Variants in TANC2 observed in about 807,000 individuals in gnomAD.
TANC2 encodes the protein protein TANC2.
In TANC2, 26 loss-of-function variants were observed where a neutral mutation model predicts 210.5. The observed-to-expected ratio is 0.12, with a 90% CI of 0.09 to 0.17. TANC2 has a LOEUF of 0.17. Among genes scored for constraint, TANC2 ranks in the 10% least tolerant of loss-of-function variants. TANC2 has a pLI of 1.00. For missense variants in TANC2, 2,129 were observed against 2,608.9 expected (o/e 0.82, Z 4.01); for synonymous variants, 931 against 967.1 (o/e 0.96, Z 0.69).
At chr17:63,090,893 T>C (rs372021928) in intron 3 of TANC2, among the ~76,000 whole-genome samples, 1 of 152,280 alleles carries the variant, frequency 6.6e-6, no homozygotes, top group Non-Finnish European at 1.5e-5. Context: ...TTTTAATGAT[T>C]GCCATTCTAA....
At chr17:63,353,817 T>C (rs943956427) in intron 13 of TANC2, among the ~76,000 whole-genome samples, 4 of 152,108 alleles carry the variant, frequency 2.6e-5, no homozygotes, top group African/African-American at 9.7e-5. Flanking sequence ...GTGTCAAATA[T>C]TGCCGAGAGG....
intron 2 of TANC2, among the ~76,000 whole-genome samples, chr17:63,033,821 G>A (rs2034867870): frequency 2.6e-5 from 4 of 152,116 alleles, no homozygotes; most frequent in Admixed American, 2.6e-4. Flanking sequence ...AGAAGGCAGA[G>A]GAAGAGAGAG....
At chr17:63,190,889 A>G (rs1272730995) in intron 5 of TANC2, among the ~76,000 whole-genome samples, 2 of 152,300 alleles carry the variant, frequency 1.3e-5, no homozygotes, top group East Asian at 1.9e-4. Flanking sequence ...TAAGAACCCA[A>G]TAACCCTGAT....
At chr17:63,311,071 C>T (rs2045108807) in intron 9 of TANC2, among the ~76,000 whole-genome samples, 1 of 152,182 alleles carries the variant, frequency 6.6e-6, no homozygotes, top group African/African-American at 2.4e-5. Flanking sequence ...AACTTAATCT[C>T]TTTTTGCCTC....
At chr17:63,103,326 A>G (rs1211707653) in intron 4 of TANC2, among the ~76,000 whole-genome samples, 1 of 152,152 alleles carries the variant, frequency 6.6e-6, no homozygotes, top group Non-Finnish European at 1.5e-5. Context: ...AAATAGTTTG[A>G]CTCATTTTCA....
In TANC2 at chr17:63,318,984, T is replaced by C. The variant is rs1365191835; in HGVS notation, c.1469T>C (p.Leu490Pro). 1.2e-6 allele frequency: 2 copies of C among 1,613,176 alleles called. No homozygotes were observed. Among genetic ancestry groups the C allele is most frequent in the South Asian group, 2.2e-5 (2 of 91,042 alleles). The change falls in exon 11 of 28, where the codon CTC becomes CCC. Residue 490 changes from leucine (L) to proline (P), a missense_variant. Coordinates refer to ENST00000689528, the Ensembl canonical transcript of TANC2. Reference sequence around the variant, plus strand: ...GTGGATGCCAACAGAGAGCTGCCACTCACACAGCCACCTTCAGCCCACTCA... The same window carrying C: ...GTGGATGCCAACAGAGAGCTGCCACCCACACAGCCACCTTCAGCCCACTCA...
At chr17:63,219,967 C>T (rs1423142976) in intron 7 of TANC2, among the ~76,000 whole-genome samples, 1 of 152,054 alleles carries the variant, frequency 6.6e-6, no homozygotes, top group Non-Finnish European at 1.5e-5. Flanking sequence ...CAGTGTGTTA[C>T]TGCTGTAAAG....
intron 3 of TANC2, chr17:63,089,335 C>T (rs890482727): frequency 5.9e-5 from 9 of 152,092 alleles, no homozygotes; most frequent in African/African-American, 2.2e-4. Context: ...GATATACAAA[C>T]GAGAGAAAGT....
rs150981230 is a variant in TANC2 at position 63,128,662 on chromosome 17, C to A, written c.323-22608C>A. ...CTCATTTGCAACATTTTAGAAAAAC[C>A]AATCCGCTACTAGTCCCTGTCGGTG... On this transcript the variant is annotated intron_variant, in intron 4 of 27. Coordinates refer to ENST00000689528, the Ensembl canonical transcript of TANC2. 2.9e-3 allele frequency among the ~76,000 whole-genome samples: 440 copies of A among 152,260 alleles called. 5 individuals carry two copies. The highest frequency in any genetic ancestry group is 0.01 in the African/African-American group (432 of 41,548).
At chr17:63,180,905 T>G (rs1301528987) in intron 5 of TANC2, among the ~76,000 whole-genome samples, 1 of 150,936 alleles carries the variant, frequency 6.6e-6, no homozygotes, top group Non-Finnish European at 1.5e-5. Flanking sequence ...GTGCATGTAG[T>G]CCCAGCTACT....
At chr17:63,354,649 T>C in intron 13 of TANC2, 134 bp from the exon 14 acceptor site, 1 of 1,139,000 alleles carries the variant, frequency 8.8e-7, no homozygotes, top group Non-Finnish European at 1.2e-6. Flanking sequence ...ACTTTTTGGA[T>C]ACTAATACTT....
chr17:63,409,618 T>C (rs2048626357), intron 21 of TANC2, among the ~76,000 whole-genome samples: 2 of 152,328 alleles, frequency 1.3e-5, no homozygotes, highest in East Asian at 1.9e-4. Flanking sequence ...GTAAACATCA[T>C]AGAGTGCACT....
chr17:63,251,631 T>TGGGG (rs1259613523), intron 8 of TANC2, among the ~76,000 whole-genome samples: 1 of 152,192 alleles, frequency 6.6e-6, no homozygotes, highest in Admixed American at 6.5e-5. Context: ...CATAATTTTA[T>TGGGG]TGTAGTCCCA....
At chr17:63,247,717 C>T (rs2042955741) in intron 8 of TANC2, among the ~76,000 whole-genome samples, 1 of 152,092 alleles carries the variant, frequency 6.6e-6, no homozygotes, top group Admixed American at 6.5e-5. Context: ...CATCAGAGAT[C>T]AGATAGCTCT....
intron 25 of TANC2, among the ~76,000 whole-genome samples, chr17:63,415,202 A>G (rs2048820825): frequency 6.6e-6 from 1 of 152,214 alleles, no homozygotes; most frequent in South Asian, 2.1e-4. Flanking sequence ...ATAGAGAGCA[A>G]AGGAACTTTG....
At chr17:62,978,333 T>C (rs559072052) in intron 1 of TANC2, among the ~76,000 whole-genome samples, 63 of 152,328 alleles carry the variant, frequency 4.1e-4, no homozygotes, top group African/African-American at 1.4e-3. Context: ...TTTCTCTTTT[T>C]TTGGGGAGAG....
chr17:63,379,622 T>C (rs1214428050), intron 14 of TANC2, 96 bp from the exon 15 acceptor site: 2 of 902,352 alleles, frequency 2.2e-6, no homozygotes, highest in Admixed American at 5.8e-5. Context: ...TGAGCCGAGA[T>C]TGCGCCACCG....
chr17:63,280,894 C>T (rs1387550218), intron 9 of TANC2, among the ~76,000 whole-genome samples: 2 of 152,056 alleles, frequency 1.3e-5, no homozygotes, highest in African/African-American at 4.8e-5. Context: ...AAATATTCCT[C>T]TCAGAGTTAA....
At chr17:63,060,549 G>A (rs900184699) in intron 2 of TANC2, among the ~76,000 whole-genome samples, 2 of 152,136 alleles carry the variant, frequency 1.3e-5, no homozygotes, top group Non-Finnish European at 2.9e-5. Flanking sequence ...TGCACCAGGA[G>A]GCAGAGGTTG....
Sources: gnomAD v4.1 joint callset for allele counts (sites outside exome capture counted in the v4.1 genomes callset) on GRCh38, gnomAD v4.1.1 for gene constraint, MANE v1.5 for transcripts, NCBI Gene and HGNC (gene_info 2026-07-23, HGNC 2026-07-21) for gene names.